Variants in DMD observed in about 807,000 individuals in gnomAD.
DMD encodes dystrophin, also known as mutant dystrophin.
Under a neutral mutation model 330.1 loss-of-function variants are expected in DMD, and 63 were observed. The ratio of observed to expected loss-of-function variants is 0.19; its 90% CI spans 0.16 to 0.24. The LOEUF is 0.24. Ranked by LOEUF, DMD falls within the 10% of genes least tolerant of loss-of-function variation. The probability of loss-of-function intolerance (pLI) is 1.00; values close to 1 mark genes in which losing one functional copy is unlikely to be tolerated. For synonymous variants in DMD, 1,223 were observed against 959.8 expected (o/e 1.27, Z -5.07); for missense variants, 3,344 against 2,684.1 (o/e 1.25, Z -5.43).
intron 9 of DMD, among the ~76,000 whole-genome samples, chrX:32,670,407 ATC>A (rs1197915860): frequency 4.9e-4 from 55 of 112,133 alleles, no homozygotes; most frequent in African/African-American, 1.6e-3. Flanking sequence ...TAACTTAGAA[ATC>A]ATAGGTTTAG....
At chrX:33,193,632 T>G in intron 1 of DMD, among the ~76,000 whole-genome samples, 1 of 112,539 alleles carries the variant, frequency 8.9e-6, no homozygotes, top group Middle Eastern at 4.7e-3. Context: ...GAATACAGTT[T>G]AATGTGAACA....
chrX:31,902,834 T>G (rs1389247619), intron 47 of DMD, among the ~76,000 whole-genome samples: 1 of 111,710 alleles, frequency 9.0e-6, no homozygotes, highest in Non-Finnish European at 1.9e-5. Flanking sequence ...TTTTTTCCCC[T>G]TTAAGATTTT....
At chrX:32,709,018 T>C (rs540698036) in intron 7 of DMD, among the ~76,000 whole-genome samples, 2 of 112,236 alleles carry the variant, frequency 1.8e-5, no homozygotes, top group African/African-American at 6.5e-5. Flanking sequence ...ACTGGAGGCA[T>C]GCTGATGAAA....
chrX:33,300,453 T>C (rs2148937666), intron 1 of DMD, among the ~76,000 whole-genome samples: 1 of 112,466 alleles, frequency 8.9e-6, no homozygotes, highest in East Asian at 2.8e-4. Flanking sequence ...GAAAATTTAA[T>C]ACTAAGCTAA....
intron 47 of DMD, among the ~76,000 whole-genome samples, chrX:31,918,348 T>A (rs2094638302): frequency 9.0e-6 from 1 of 111,528 alleles, no homozygotes; most frequent in African/African-American, 3.3e-5. Flanking sequence ...TTAGTGAGTG[T>A]TGAACCTGGG....
intron 47 of DMD, among the ~76,000 whole-genome samples, chrX:31,902,497 T>C (rs2094434987): frequency 8.9e-6 from 1 of 111,843 alleles, no homozygotes; most frequent in African/African-American, 3.2e-5. Context: ...CAACATATAG[T>C]GGTTTATAAA....
chrX:32,321,613 A>AT (rs1056419649), intron 41 of DMD, among the ~76,000 whole-genome samples: 1 of 111,473 alleles, frequency 9.0e-6, no homozygotes, highest in East Asian at 2.8e-4. Flanking sequence ...CCATATGTAA[A>AT]TTTTGTGAAT....
At chrX:32,052,876 G>A (rs964325861) in intron 44 of DMD, among the ~76,000 whole-genome samples, 2 of 111,115 alleles carry the variant, frequency 1.8e-5, no homozygotes, top group Non-Finnish European at 3.8e-5. Context: ...ATTACGCACT[G>A]AGGAACAACT....
chrX:32,256,220 T>G (rs1242016861), intron 43 of DMD, among the ~76,000 whole-genome samples: 1 of 111,745 alleles, frequency 8.9e-6, no homozygotes, highest in Non-Finnish European at 1.9e-5. Flanking sequence ...CGTTGCTCCC[T>G]TTACCATTAT....
intron 34 of DMD, among the ~76,000 whole-genome samples, chrX:32,369,062 A>G (rs1256419187): frequency 2.7e-5 from 3 of 111,339 alleles, no homozygotes; most frequent in African/African-American, 9.8e-5. Context: ...AAGGGTTTTT[A>G]TGATAGAGGG....
intron 9 of DMD, among the ~76,000 whole-genome samples, chrX:32,657,021 GT>G: frequency 9.1e-6 from 1 of 110,209 alleles, no homozygotes; most frequent in Non-Finnish European, 1.9e-5. Flanking sequence ...ATGTGTGTGT[GT>G]GTGTGTGTGT....
intron 52 of DMD, among the ~76,000 whole-genome samples, chrX:31,696,148 T>G (rs2083442550): frequency 8.9e-6 from 1 of 111,736 alleles, no homozygotes; most frequent in Non-Finnish European, 1.9e-5. Flanking sequence ...TATTAATATA[T>G]TCACCAAAAA....
At chrX:31,744,939 T>C (rs1369905515) in intron 51 of DMD, among the ~76,000 whole-genome samples, 1 of 112,041 alleles carries the variant, frequency 8.9e-6, no homozygotes, top group African/African-American at 3.2e-5. Context: ...TTCAATGCAG[T>C]TGGGGAGGTG....
chrX:31,968,381 C>A lies in DMD; in HGVS notation c.6572G>T (p.Arg2191Leu). Residue 2191 changes from arginine (R) to leucine (L), a missense_variant, in exon 45 of 79, where the codon CGG becomes CTG. Coordinates refer to ENST00000357033, the MANE Select transcript of DMD (RefSeq NM_004006.3). ...CAGCTGTTTGCAGACCTCCTGCCAC[C>A]GCAGATTCAGGCTTCCCAATTTTTC... Reference protein sequence around the residue: ...LQEKLGSLNLRWQEVCKQLSD... With the variant: ...LQEKLGSLNLLWQEVCKQLSD... The A allele has an allele frequency of 1.7e-6, 2 of 1,210,662 alleles. No homozygotes were observed. Among genetic ancestry groups the A allele is most frequent in the Non-Finnish European group, 2.2e-6 (2 of 894,831 alleles).
chrX:32,697,651 C>A (rs191934353), intron 9 of DMD, among the ~76,000 whole-genome samples: 192 of 111,395 alleles, frequency 1.7e-3, no homozygotes, highest in Non-Finnish European at 2.4e-3. Flanking sequence ...GAAACCATTA[C>A]GGGAATTCAT....
intron 55 of DMD, among the ~76,000 whole-genome samples, chrX:31,511,344 T>C (rs1248030266): frequency 3.2e-5 from 3 of 93,202 alleles, no homozygotes; most frequent in African/African-American, 1.2e-4. Flanking sequence ...TTATTATTAT[T>C]ATTATACTTT....
rs778687198 is a variant in DMD, at chrX:31,662,243, C to T, written c.7873-4099G>A. 3.4e-3 allele frequency among the ~76,000 whole-genome samples: 377 copies of T among 111,755 alleles called. 3 individuals carry two copies. Among genetic ancestry groups the T allele is most frequent in the African/African-American group, 8.3e-3 (255 of 30,817 alleles). On this transcript the variant is annotated intron_variant, in intron 53 of 78. Transcript: ENST00000357033. The stretch of plus-strand genomic sequence containing the variant: ...TTAGAGAATTCAGGGAGAACATTTA[C>T]AAAGGTGCCTGGCGTGCCCGAAGGA...
chrX:32,822,129 T>A (rs1487920546), intron 5 of DMD, among the ~76,000 whole-genome samples: 4 of 112,086 alleles, frequency 3.6e-5, no homozygotes, highest in African/African-American at 1.3e-4. Flanking sequence ...ATTTTTTAAA[T>A]GAGTGGAAAA....
chrX:32,049,025 GAAACAAAC>G (rs1334900771), intron 44 of DMD, among the ~76,000 whole-genome samples: 1 of 110,876 alleles, frequency 9.0e-6, no homozygotes, highest in East Asian at 2.9e-4. Context: ...AGAACGAGAA[GAAACAAAC>G]AAACAAACAA....
Sources: gnomAD v4.1 joint callset for allele counts (sites outside exome capture counted in the v4.1 genomes callset) on GRCh38, gnomAD v4.1.1 for gene constraint, MANE v1.5 for transcripts, NCBI Gene and HGNC (gene_info 2026-07-23, HGNC 2026-07-21) for gene names.